Variants in MTMR3 observed in about 807,000 individuals in gnomAD.
MTMR3 encodes the protein phosphatidylinositol-3,5-bisphosphate 3-phosphatase MTMR3.
Under a neutral mutation model 132.4 loss-of-function variants are expected in MTMR3, and 32 were observed. The ratio of observed to expected loss-of-function variants is 0.24; its 90% CI spans 0.18 to 0.32. MTMR3 has a LOEUF of 0.32. Ranked by LOEUF, MTMR3 falls within the 10% of genes least tolerant of loss-of-function variation. The pLI is 1.00. For synonymous variants in MTMR3, 556 were observed against 550.3 expected, an observed-to-expected ratio of 1.01 and a Z score of -0.14; for missense variants, 1,216 against 1,489.6, an observed-to-expected ratio of 0.82 and a Z score of 3.02.
At chr22:30,021,207 A>C (rs1471083390) in intron 17 of MTMR3, 1 of 336,760 alleles carries the variant, frequency 3.0e-6, no homozygotes, top group Non-Finnish European at 5.5e-6. Flanking sequence ...GGGCAGAATG[A>C]CATCTGTAGG....
chr22:29,931,877 G>A (rs141530307), intron 1 of MTMR3, among the ~76,000 whole-genome samples: 12 of 150,540 alleles, frequency 8.0e-5, no homozygotes, highest in Non-Finnish European at 1.5e-4. Flanking sequence ...GCAATGTCAC[G>A]GATTTATCAA....
intron 1 of MTMR3, among the ~76,000 whole-genome samples, chr22:29,895,355 A>G (rs2064873661): frequency 6.6e-6 from 1 of 152,244 alleles, no homozygotes; most frequent in South Asian, 2.1e-4. Flanking sequence ...AACTGTTACA[A>G]TCAACACATT....
chr22:29,921,770 A>G (rs1004675631), intron 1 of MTMR3, among the ~76,000 whole-genome samples: 2 of 152,096 alleles, frequency 1.3e-5, no homozygotes, highest in East Asian at 3.9e-4. Context: ...TATAAGTGAA[A>G]TAATATAATA....
chr22:29,959,131 T>G (rs1208147043), intron 2 of MTMR3, among the ~76,000 whole-genome samples: 25 of 152,186 alleles, frequency 1.6e-4, no homozygotes, highest in Admixed American at 1.6e-3. Flanking sequence ...GATTCCATGT[T>G]CAGTAGGAAG....
chr22:30,013,659 T>C, intron 14 of MTMR3, 118 bp downstream of exon 14: 2 of 1,005,418 alleles, frequency 2.0e-6, no homozygotes, highest in South Asian at 2.1e-5. Flanking sequence ...AGGTGATTTT[T>C]TTCCTGTTTC....
At chr22:29,986,502 G>GTT (rs57076001) in intron 5 of MTMR3, 12,826 of 705,772 alleles carry the variant, frequency 0.018, 3 homozygotes, top group East Asian at 0.029. Context: ...AGGTTTGTTT[G>GTT]TTTTTTTTTT....
At chr22:29,967,457 C>G (rs1429653197) in intron 2 of MTMR3, among the ~76,000 whole-genome samples, 1 of 150,624 alleles carries the variant, frequency 6.6e-6, no homozygotes, top group African/African-American at 2.4e-5. Flanking sequence ...GCGTTGAACT[C>G]TGGGGCTCAA....
In MTMR3 at chr22:29,986,663, TC is replaced by T. The variant is rs1473876567; in HGVS notation, c.211-1816del. 3.5e-6 allele frequency: 3 copies of T among 848,810 alleles called. No individual in the cohort carries two copies. The African/African-American group carries it at 5.6e-5, about 16-fold the overall frequency. 52.6% of individuals were successfully genotyped at this position (848,810 alleles called of 1,614,324 possible). Reference sequence around the variant, plus strand: ...CAGGCAAGATTTTTCTTTTTTCTTTTCTTTTTTTTTTGTTTTTGAGATGGAG... The same window carrying T: ...CAGGCAAGATTTTTCTTTTTTCTTTTTTTTTTTTTTGTTTTTGAGATGGAG... On this transcript the variant is annotated intron_variant, in intron 5 of 19. Coordinates refer to ENST00000401950, the MANE Select transcript of MTMR3 (RefSeq NM_021090.4).
At chr22:29,963,911 C>G (rs1408658465) in intron 2 of MTMR3, among the ~76,000 whole-genome samples, 1 of 150,914 alleles carries the variant, frequency 6.6e-6, no homozygotes, top group Non-Finnish European at 1.5e-5. Context: ...CTTTGGGCTA[C>G]TTTGAATAAA....
chr22:29,971,177 C>A (rs2145872525), intron 3 of MTMR3, 115 bp downstream of exon 3: 1 of 1,055,034 alleles, frequency 9.5e-7, no homozygotes, highest in Non-Finnish European at 1.3e-6. Context: ...GAAATTATTT[C>A]TTTTTCTTTC....
rs1409986303 is a variant in MTMR3, at chr22:30,022,528, TTGCTGCCCCCAGCATGGCTC to T, written c.3337-75_3337-56del. ...GGAGCTGATGTGGTCCTTGTGACTC[TTGCTGCCCCCAGCATGGCTC>T]TGCTGGCTCCAGCTGGATGGCCCAT... On this transcript the variant is annotated intron_variant, in intron 18 of 19. Transcript: ENST00000401950. The T allele has an allele frequency of 1.1e-5, 14 of 1,248,900 alleles. No individual in the cohort carries two copies. In the East Asian group the frequency reaches 3.3e-4, roughly 29 times the overall value. The allele number at this position is 1,248,900 out of a possible 1,614,324, so 77.4% of individuals were successfully genotyped here.
At chr22:29,897,716 C>G (rs1030149343) in intron 1 of MTMR3, among the ~76,000 whole-genome samples, 4 of 152,168 alleles carry the variant, frequency 2.6e-5, no homozygotes, top group Non-Finnish European at 5.9e-5. Context: ...CCCCAAAGGG[C>G]TGGGATTACA....
At chr22:29,976,398 C>T (rs2066630869) in intron 3 of MTMR3, among the ~76,000 whole-genome samples, 1 of 150,554 alleles carries the variant, frequency 6.6e-6, no homozygotes, top group Non-Finnish European at 1.5e-5. Flanking sequence ...GAATGATACT[C>T]AATGAAAAAA....
chr22:29,983,952 TTTTTA>T (rs2066806078), intron 5 of MTMR3: 1 of 151,252 alleles, frequency 6.6e-6, no homozygotes, highest in African/African-American at 2.4e-5. Flanking sequence ...TTTTATTTTA[TTTTTA>T]TTTTATTATA....
intron 8 of MTMR3, chr22:30,001,313 C>A (rs887671625): frequency 2.6e-5 from 4 of 152,274 alleles, no homozygotes; most frequent in African/African-American, 9.7e-5. Context: ...ATGGCGTGAA[C>A]CCGGGAGGTG....
chr22:29,942,385 G>A (rs1473252726), intron 1 of MTMR3, among the ~76,000 whole-genome samples: 1 of 152,164 alleles, frequency 6.6e-6, no homozygotes, highest in Non-Finnish European at 1.5e-5. Context: ...GAGGCAGGGC[G>A]AGATCACAGG....
At chr22:29,954,057 G>GTTT (rs753326368) in intron 1 of MTMR3, among the ~76,000 whole-genome samples, 5 of 49,078 alleles carry the variant, frequency 1.0e-4, no homozygotes, top group African/African-American at 3.5e-4. Context: ...TTTCAAATGA[G>GTTT]TCTTTTTTTT....
chr22:29,910,188 T>C (rs2065183293), intron 1 of MTMR3, among the ~76,000 whole-genome samples: 1 of 150,812 alleles, frequency 6.6e-6, no homozygotes, highest in Non-Finnish European at 1.5e-5. Context: ...AAGTGGGCCC[T>C]TTTCTGTGTT....
At chr22:29,911,228 CATT>C (rs1247076721) in intron 1 of MTMR3, among the ~76,000 whole-genome samples, 2 of 152,080 alleles carry the variant, frequency 1.3e-5, no homozygotes. Context: ...CGCAGCATCT[CATT>C]ATCCTGTGAG....
Sources: allele counts gnomAD v4.1 joint callset (sites outside exome capture counted in the v4.1 genomes callset), GRCh38; gene constraint gnomAD v4.1.1; transcripts MANE v1.5; gene names NCBI Gene and HGNC (gene_info 2026-07-23, HGNC 2026-07-21).